Variants in SLC14A2 observed in about 807,000 individuals in gnomAD.
The protein encoded by SLC14A2 is solute carrier family 14 member 2.
SLC14A2 carries 91 observed loss-of-function variants against 104.6 expected under a neutral mutation model. The observed-to-expected ratio is 0.87, with a 90% CI of 0.73 to 1.04. The LOEUF (loss-of-function observed/expected upper bound fraction) is 1.04. Ranked by LOEUF, SLC14A2 falls within the 50% of genes least tolerant of loss-of-function variation. The pLI is 0.00. For missense variants in SLC14A2, 1,189 were observed against 1,156.0 expected (o/e 1.03, Z -0.41); for synonymous variants, 476 against 466.4 (o/e 1.02, Z -0.27).
At chr18:45,516,224 C>A (rs1175505853) in intron 2 of SLC14A2, among the ~76,000 whole-genome samples, 1 of 152,132 alleles carries the variant, frequency 6.6e-6, no homozygotes, top group African/African-American at 2.4e-5. Context: ...ACTACTGTTT[C>A]CCTTCCTTCC....
At chr18:45,175,992 C>T in the SLC14A2 span, among the ~76,000 whole-genome samples, 1 of 152,110 alleles carries the variant, frequency 6.6e-6, no homozygotes, top group African/African-American at 2.4e-5. Context: ...TCTATTACTG[C>T]CCTGTAAAAT....
At chr18:45,397,083 T>C (rs568906067) in intron 1 of SLC14A2, among the ~76,000 whole-genome samples, 1 of 152,326 alleles carries the variant, frequency 6.6e-6, no homozygotes, top group South Asian at 2.1e-4. Context: ...GCATTTAGGT[T>C]GATTCTGTGT....
chr18:45,677,649 G>A (rs138091531), intron 18 of SLC14A2, among the ~76,000 whole-genome samples: 23 of 152,288 alleles, frequency 1.5e-4, no homozygotes, highest in Non-Finnish European at 2.5e-4. Context: ...ATTATCTCTA[G>A]TTAAATGATG....
chr18:45,437,668 C>G (rs1216455898), intron 1 of SLC14A2, among the ~76,000 whole-genome samples: 1 of 152,200 alleles, frequency 6.6e-6, no homozygotes, highest in Non-Finnish European at 1.5e-5. Context: ...GTGTTGTGTG[C>G]TTACTATGCA....
chr18:45,387,013 T>G (rs1256499269), intron 1 of SLC14A2, among the ~76,000 whole-genome samples: 7 of 152,250 alleles, frequency 4.6e-5, no homozygotes, highest in African/African-American at 1.7e-4. Context: ...GACCTTGGCT[T>G]AAACTGTTTC....
intron 1 of SLC14A2, among the ~76,000 whole-genome samples, chr18:45,372,119 C>A (rs2085728945): frequency 6.6e-6 from 1 of 152,092 alleles, no homozygotes; most frequent in African/African-American, 2.4e-5. Flanking sequence ...CAAGACCAAT[C>A]TGGCCAACGT....
chr18:45,485,847 C>T (rs1226222592), intron 2 of SLC14A2, among the ~76,000 whole-genome samples: 1 of 152,052 alleles, frequency 6.6e-6, no homozygotes. Context: ...CTCCAACTGC[C>T]AGGAGCAATG....
At chr18:45,510,718 G>A (rs2043354624) in intron 2 of SLC14A2, among the ~76,000 whole-genome samples, 1 of 151,712 alleles carries the variant, frequency 6.6e-6, no homozygotes, top group South Asian at 2.1e-4. Flanking sequence ...AGAACAGCCA[G>A]CTGATCCCGT....
intron 1 of SLC14A2, among the ~76,000 whole-genome samples, chr18:45,309,723 ATACAT>A (rs1568145680): frequency 6.6e-6 from 1 of 152,218 alleles, no homozygotes; most frequent in Non-Finnish European, 1.5e-5. Flanking sequence ...ACTACCTCAG[ATACAT>A]TACAAGAGTT....
intron 1 of SLC14A2, among the ~76,000 whole-genome samples, chr18:45,371,767 G>T (rs2085725435): frequency 6.6e-6 from 1 of 152,172 alleles, no homozygotes; most frequent in East Asian, 1.9e-4. Context: ...GTAAATGTTT[G>T]TTGGCTTCAT....
chr18:45,527,300 C>T (rs767442207), intron 2 of SLC14A2, among the ~76,000 whole-genome samples: 1 of 152,308 alleles, frequency 6.6e-6, no homozygotes, highest in South Asian at 2.1e-4. Context: ...ATGACGCTAA[C>T]AAATCCAAGA....
At chr18:45,315,343 A>G (rs2085118754) in intron 1 of SLC14A2, among the ~76,000 whole-genome samples, 1 of 152,026 alleles carries the variant, frequency 6.6e-6, no homozygotes, top group African/African-American at 2.4e-5. Context: ...AGATTCTAAC[A>G]CTCTAGCATG....
At chr18:45,434,487 G>C (rs1435992411) in intron 1 of SLC14A2, among the ~76,000 whole-genome samples, 1 of 143,568 alleles carries the variant, frequency 7.0e-6, no homozygotes, top group African/African-American at 2.6e-5. Context: ...TGTTGTTGTT[G>C]TTTGCATGAT....
chr18:45,416,216 T>A (rs1168779038), intron 1 of SLC14A2, among the ~76,000 whole-genome samples: 1 of 151,996 alleles, frequency 6.6e-6, no homozygotes, highest in Non-Finnish European at 1.5e-5. Flanking sequence ...ATTAAACCAC[T>A]TGAGTTGGCT....
At chr18:45,394,673 G>A (rs1169390711) in intron 1 of SLC14A2, among the ~76,000 whole-genome samples, 1 of 151,958 alleles carries the variant, frequency 6.6e-6, no homozygotes, top group Non-Finnish European at 1.5e-5. Flanking sequence ...TCCATTCAAG[G>A]CTTTTGCCCA....
At chr18:45,456,213 G>A (rs1166873063) in intron 1 of SLC14A2, among the ~76,000 whole-genome samples, 2 of 152,092 alleles carry the variant, frequency 1.3e-5, no homozygotes, top group African/African-American at 4.8e-5. Context: ...ATCATCCCCT[G>A]TTCAGAACCA....
At chr18:45,652,062 G>A (rs1321693842) in intron 10 of SLC14A2, among the ~76,000 whole-genome samples, 1 of 152,204 alleles carries the variant, frequency 6.6e-6, no homozygotes, top group Non-Finnish European at 1.5e-5. Context: ...AAACATCGTG[G>A]AACATTTGTT....
chr18:45,378,495 G>A (rs112792142), intron 1 of SLC14A2, among the ~76,000 whole-genome samples: 2 of 152,306 alleles, frequency 1.3e-5, no homozygotes, highest in African/African-American at 4.8e-5. Context: ...ACATGATAGA[G>A]GCAAGTGATT....
upstream of SLC14A2, among the ~76,000 whole-genome samples, chr18:45,612,473 TCA>T (rs2044988646): frequency 6.6e-6 from 1 of 152,190 alleles, no homozygotes; most frequent in South Asian, 2.1e-4. Flanking sequence ...AATACATCAC[TCA>T]CAGCATAAGC....
Sources: allele counts gnomAD v4.1 joint callset (sites outside exome capture counted in the v4.1 genomes callset), GRCh38; gene constraint gnomAD v4.1.1; transcripts MANE v1.5; gene names NCBI Gene and HGNC (gene_info 2026-07-23, HGNC 2026-07-21).